GRK7: variants seen among roughly 807,000 people sequenced by gnomAD.
GRK7 encodes G protein-coupled receptor kinase 7.
In GRK7, 24 loss-of-function variants were observed where a neutral mutation model predicts 34.1. The observed-to-expected ratio is 0.70, with a 90% CI of 0.51 to 0.99. GRK7 has a LOEUF of 0.99. Ranked by LOEUF, GRK7 falls within the 50% of genes least tolerant of loss-of-function variation. The pLI is 0.00. For missense variants in GRK7, 644 were observed against 707.3 expected (o/e 0.91, Z 1.02); for synonymous variants, 256 against 279.4 (o/e 0.92, Z 0.84).
intron 4 of GRK7, among the ~76,000 whole-genome samples, chr3:141,801,065 C>T (rs916977473): frequency 2.0e-5 from 3 of 152,068 alleles, no homozygotes; most frequent in African/African-American, 7.2e-5. Context: ...AATCCCAGCA[C>T]TTTGGGAGGC....
intron 2 of GRK7, among the ~76,000 whole-genome samples, chr3:141,775,568 T>C (rs1485736102): frequency 1.3e-5 from 2 of 152,112 alleles, no homozygotes; most frequent in Non-Finnish European, 2.9e-5. Flanking sequence ...TTTCAAATAC[T>C]AAGTAGAACA....
chr3:141,799,058 G>T (rs188407322), intron 4 of GRK7, among the ~76,000 whole-genome samples: 3 of 152,216 alleles, frequency 2.0e-5, no homozygotes, highest in Non-Finnish European at 2.9e-5. Flanking sequence ...CCCAGGGTCT[G>T]GTCCCATCTC....
rs2084569413 is a variant in GRK7 at position 141,764,155 on chromosome 3, A to C, written c.-1798A>C. 6.6e-6 allele frequency among the ~76,000 whole-genome samples: 1 copy of C among 152,022 alleles called. No homozygotes were observed. The highest frequency in any genetic ancestry group is 1.9e-4 in the East Asian group (1 of 5,178). ...TCACTACTCTTGATAATTCTTGGTG[A>C]TTTCAATACCCACATGGCTGATGCT... On this transcript the variant is annotated 5_prime_UTR_variant, in exon 1 of 6. Transcript: ENST00000682958.
the GRK7 span, among the ~76,000 whole-genome samples, chr3:141,754,856 C>A: frequency 6.6e-6 from 1 of 152,082 alleles, no homozygotes; most frequent in African/African-American, 2.4e-5. Flanking sequence ...ATTATTTTAT[C>A]TCTGATATGA....
chr3:141,798,812 T>G (rs1160547737), intron 4 of GRK7, among the ~76,000 whole-genome samples: 2 of 152,238 alleles, frequency 1.3e-5, no homozygotes, highest in Non-Finnish European at 2.9e-5. Flanking sequence ...TCCATTCTCC[T>G]CAGTGAAATA....
At chr3:141,782,199 T>C (rs1546649) in intron 4 of GRK7, among the ~76,000 whole-genome samples, 2,995 of 152,188 alleles carry the variant, frequency 0.02, 102 homozygotes, top group African/African-American at 0.068. Flanking sequence ...AGTTAGATGG[T>C]AGGTGGGGAC....
chr3:141,772,544 G>A (rs996338349), intron 1 of GRK7, among the ~76,000 whole-genome samples: 4 of 152,168 alleles, frequency 2.6e-5, no homozygotes, highest in African/African-American at 9.7e-5. Context: ...ACCATGCAGA[G>A]AATTGGGCAT....
Position 141,778,626 on chromosome 3 carries a change from G to T in GRK7, c.342G>T (p.Ala114=). The T allele has an allele frequency of 6.2e-7, 1 of 1,612,382 alleles. No homozygotes were observed. Among genetic ancestry groups the T allele is most frequent in the Non-Finnish European group, 8.5e-7 (1 of 1,179,318 alleles). The change falls in exon 3 of 6, where the codon GCG becomes GCT. Residue 114 remains alanine (A), a synonymous_variant. Transcript: ENST00000682958. This position sits in a 1 kb window ranked among gnomAD's most constrained non-coding sequence, Gnocchi z 4.1. ...TGCAGGGGCTGGTGGCCACTTGTGC[G>T]AGTGCCCCTGCCCCGGGGAACCCGC... ...SALQGLVATC[A]SAPAPGNPQP...
chr3:141,785,938 CAAAA>C (rs11328714), intron 4 of GRK7, among the ~76,000 whole-genome samples: 5 of 135,814 alleles, frequency 3.7e-5, no homozygotes, highest in Admixed American at 7.5e-5. Flanking sequence ...TACCCTGTCT[CAAAA>C]AAAAAAAAAA....
At chr3:141,795,483 C>T (rs58042704) in intron 4 of GRK7, among the ~76,000 whole-genome samples, 4 of 152,314 alleles carry the variant, frequency 2.6e-5, no homozygotes, top group African/African-American at 9.6e-5. Context: ...TTGCAGCTGG[C>T]TGCAGTGTGG....
At chr3:141,758,948 T>C (rs1459339241), upstream of GRK7, among the ~76,000 whole-genome samples, 1 of 144,416 alleles carries the variant, frequency 6.9e-6, no homozygotes, top group Non-Finnish European at 1.5e-5. Flanking sequence ...ATGATTTGGC[T>C]CTCTGTTTGT....
intron 1 of GRK7, among the ~76,000 whole-genome samples, chr3:141,773,551 G>T (rs925696916): frequency 6.6e-6 from 1 of 151,924 alleles, no homozygotes; most frequent in African/African-American, 2.4e-5. Context: ...TTGCTCTGTC[G>T]CCCAGGCTGG....
In GRK7 at chr3:141,818,766, CTTGAG is replaced by C. The variant is rs1711180503; in HGVS notation, c.*1719_*1723del. Among the ~76,000 whole-genome samples the C allele has an allele frequency of 6.6e-6, 1 of 152,128 alleles. No individual in the cohort carries two copies. Among genetic ancestry groups the C allele is most frequent in the South Asian group, 2.1e-4 (1 of 4,820 alleles). On this transcript the variant is annotated 3_prime_UTR_variant, in exon 6 of 6. Coordinates refer to ENST00000682958, the MANE Select transcript of GRK7 (RefSeq NM_139209.3). The stretch of plus-strand genomic sequence containing the variant: ...TGAAGTCAGTTTAAAAGTTTTGTCC[CTTGAG>C]TTAAGGATTCAAGAGCTGCAAAAGT...
intron 4 of GRK7, among the ~76,000 whole-genome samples, chr3:141,789,143 G>T (rs2084710880): frequency 6.6e-6 from 1 of 152,190 alleles, no homozygotes; most frequent in South Asian, 2.1e-4. Flanking sequence ...AAACTCAAAA[G>T]ATGAACAGAT....
At chr3:141,791,511 A>G (rs1559843871) in intron 4 of GRK7, among the ~76,000 whole-genome samples, 2 of 152,200 alleles carry the variant, frequency 1.3e-5, no homozygotes, top group Non-Finnish European at 2.9e-5. Flanking sequence ...AATTCCTACT[A>G]ACTTTTGACC....
intron 4 of GRK7, among the ~76,000 whole-genome samples, chr3:141,801,421 C>A (rs1160835633): frequency 6.6e-6 from 1 of 151,702 alleles, no homozygotes; most frequent in African/African-American, 2.4e-5. Flanking sequence ...CAGTTTGGCC[C>A]CTTTTTTTCA....
In GRK7 at chr3:141,818,726, T is replaced by TA. The variant is rs969209543; in HGVS notation, c.*1684dup. Among the ~76,000 whole-genome samples the TA allele has an allele frequency of 1.5e-3, 233 of 152,154 alleles. 1 individual carries two copies. The highest frequency in any genetic ancestry group is 5.1e-3 in the African/African-American group (211 of 41,514). ...ATAAAATCTAAATTTATCCCAGTGG[T>TA]AAAAAAAACCTGGCTGAAGTCAGTT... On this transcript the variant is annotated 3_prime_UTR_variant, in exon 6 of 6. Coordinates refer to ENST00000682958, the MANE Select transcript of GRK7 (RefSeq NM_139209.3).
At chr3:141,788,306 C>G (rs1483406273) in intron 4 of GRK7, among the ~76,000 whole-genome samples, 1 of 152,116 alleles carries the variant, frequency 6.6e-6, no homozygotes, top group African/African-American at 2.4e-5. Flanking sequence ...GATTCTGACA[C>G]TATCTAAAAT....
chr3:141,813,511 C>T (rs754939386), intron 5 of GRK7, among the ~76,000 whole-genome samples: 3 of 152,218 alleles, frequency 2.0e-5, no homozygotes, highest in Non-Finnish European at 4.4e-5. Context: ...CACACAGACA[C>T]TGGGGCAGTC....
Sources: allele counts gnomAD v4.1 joint callset (sites outside exome capture counted in the v4.1 genomes callset), GRCh38; gene constraint gnomAD v4.1.1; non-coding constraint Gnocchi (gnomAD v3.1); transcripts MANE v1.5; gene names NCBI Gene and HGNC (gene_info 2026-07-23, HGNC 2026-07-21).